CHLSN: variants seen among roughly 807,000 people sequenced by gnomAD.
CHLSN encodes the protein cholesin, also known as protein cholesin.
the CHLSN span, among the ~76,000 whole-genome samples, chr7:1,130,939 G>A: frequency 6.6e-6 from 1 of 152,212 alleles, no homozygotes; most frequent in Non-Finnish European, 1.5e-5. Context: ...TGTCATCCCA[G>A]CATTCTGGGA....
At chr7:1,068,626 C>T in the CHLSN span, among the ~76,000 whole-genome samples, 2 of 152,112 alleles carry the variant, frequency 1.3e-5, no homozygotes, top group Non-Finnish European at 2.9e-5. Context: ...GCCTGCTTGT[C>T]GGCCTCCCCA....
the CHLSN span, among the ~76,000 whole-genome samples, chr7:1,016,552 CGCACAGCAGCGCACACCAGT>C: frequency 8.7e-6 from 1 of 115,414 alleles, no homozygotes; most frequent in Non-Finnish European, 1.8e-5. Flanking sequence ...CGCACGCCAG[CGCACAGCAGCGCACACCAGT>C]ACACAGCAGC....
the CHLSN span, among the ~76,000 whole-genome samples, chr7:1,113,048 G>A: frequency 3.3e-5 from 5 of 152,162 alleles, no homozygotes; most frequent in African/African-American, 1.2e-4. Flanking sequence ...CCTGTATCTT[G>A]ACCGCCACAG....
chr7:1,002,823 T>C, the CHLSN span, among the ~76,000 whole-genome samples: 3 of 62,458 alleles, frequency 4.8e-5, no homozygotes, highest in Admixed American at 1.5e-4. Context: ...GGGAGTCCTG[T>C]GGGTGAGTGG....
At chr7:1,020,149 G>A in the CHLSN span, among the ~76,000 whole-genome samples, 1 of 142,470 alleles carries the variant, frequency 7.0e-6, no homozygotes, top group Non-Finnish European at 1.5e-5. Flanking sequence ...GCATGGATGC[G>A]GCAGGCCCCG....
At chr7:1,097,577 G>A in the CHLSN span, among the ~76,000 whole-genome samples, 1 of 152,230 alleles carries the variant, frequency 6.6e-6, no homozygotes, top group African/African-American at 2.4e-5. This position sits in a 1 kb window ranked among gnomAD's most constrained non-coding sequence, Gnocchi z 4.3. Flanking sequence ...GCATCACTCT[G>A]CACCTTTCAG....
chr7:1,080,586 G>T, the CHLSN span, among the ~76,000 whole-genome samples: 1 of 152,248 alleles, frequency 6.6e-6, no homozygotes, highest in Non-Finnish European at 1.5e-5. Context: ...CGGTTTGTGC[G>T]CTGCCTGCGA....
chr7:1,037,102 C>A, the CHLSN span, among the ~76,000 whole-genome samples: 4 of 147,102 alleles, frequency 2.7e-5, no homozygotes, highest in South Asian at 4.4e-4. Flanking sequence ...CAGAGTGAGA[C>A]CCTGTCTCAA....
chr7:1,118,224 T>C, the CHLSN span, among the ~76,000 whole-genome samples: 1 of 152,156 alleles, frequency 6.6e-6, no homozygotes. Flanking sequence ...ATCACCTCTA[T>C]CATACAACAC....
chr7:1,000,033 C>A, the CHLSN span, among the ~76,000 whole-genome samples: 1 of 152,242 alleles, frequency 6.6e-6, no homozygotes, highest in African/African-American at 2.4e-5. Flanking sequence ...TGTAGACACA[C>A]GTCACACGCA....
the CHLSN span, among the ~76,000 whole-genome samples, chr7:1,119,369 C>T: frequency 6.6e-6 from 1 of 152,176 alleles, no homozygotes; most frequent in Non-Finnish European, 1.5e-5. Flanking sequence ...AGGCTTGCTT[C>T]TTAGATGTGG....
the CHLSN span, among the ~76,000 whole-genome samples, chr7:1,012,959 G>C: frequency 6.6e-6 from 1 of 152,376 alleles, no homozygotes; most frequent in East Asian, 1.9e-4. Flanking sequence ...GACACAGGCG[G>C]GCCCCGGGAG....
chr7:997,223 G>C, the CHLSN span: 1 of 165,638 alleles, frequency 6.0e-6, no homozygotes, highest in Admixed American at 6.4e-5. Flanking sequence ...CAGGCGGAAG[G>C]TGCAGGTTTG....
At chr7:1,076,830 G>A in the CHLSN span, among the ~76,000 whole-genome samples, 1 of 152,230 alleles carries the variant, frequency 6.6e-6, no homozygotes, top group Non-Finnish European at 1.5e-5. Context: ...CTGGGGAGAG[G>A]ACCTGCCTTC....
At chr7:1,136,473 A>AACATATAAATATATATAAACAT in the CHLSN span, among the ~76,000 whole-genome samples, 5 of 109,724 alleles carry the variant, frequency 4.6e-5, no homozygotes, top group Non-Finnish European at 6.6e-5. Context: ...AACATATATA[A>AACATATAAATATATATAAACAT]ATATATAAAC....
At chr7:1,093,173 C>G in the CHLSN span, 1 of 565,710 alleles carries the variant, frequency 1.8e-6, no homozygotes, top group South Asian at 1.5e-5. Context: ...ACCTGCCTGC[C>G]GCTGCAGGAA....
At chr7:1,060,796 C>T in the CHLSN span, among the ~76,000 whole-genome samples, 1 of 152,206 alleles carries the variant, frequency 6.6e-6, no homozygotes, top group Admixed American at 6.5e-5. Flanking sequence ...CCTCTGGAGC[C>T]GGAGCTGGTG....
At chr7:988,504 C>T in the CHLSN span, 3 of 1,599,882 alleles carry the variant, frequency 1.9e-6, no homozygotes, top group African/African-American at 4.0e-5. Context: ...CGCCTCTGCA[C>T]CCACCTCCTG....
At chr7:1,136,650 G>A in the CHLSN span, among the ~76,000 whole-genome samples, 2 of 145,958 alleles carry the variant, frequency 1.4e-5, no homozygotes, top group African/African-American at 2.5e-5. Flanking sequence ...GCGGATGTGT[G>A]TATAAACTGT....
Sources: gnomAD v4.1 joint callset for allele counts (sites outside exome capture counted in the v4.1 genomes callset) on GRCh38, gnomAD v4.1.1 for gene constraint, Gnocchi (gnomAD v3.1) non-coding constraint, MANE v1.5 for transcripts, NCBI Gene and HGNC (gene_info 2026-07-23, HGNC 2026-07-21) for gene names.